Variants in LRMDA observed in about 807,000 individuals in gnomAD.
The protein encoded by LRMDA is leucine-rich melanocyte differentiation-associated protein.
Under a neutral mutation model 29.8 loss-of-function variants are expected in LRMDA, and 18 were observed. The ratio of observed to expected loss-of-function variants is 0.60; its 90% CI spans 0.42 to 0.90. The LOEUF is 0.90. Among genes scored for constraint, LRMDA ranks in the 40% least tolerant of loss-of-function variants. The pLI is 0.00. For synonymous variants in LRMDA, 125 were observed against 109.4 expected (o/e 1.14, Z -0.89); for missense variants, 273 against 273.9 (o/e 1.00, Z 0.02).
chr10:76,480,264 T>A (rs910025411), intron 6 of LRMDA, among the ~76,000 whole-genome samples: 3 of 151,982 alleles, frequency 2.0e-5, no homozygotes, highest in Non-Finnish European at 4.4e-5. Context: ...TCTACTGATA[T>A]ATGTTACTGT....
chr10:75,888,392 T>G (rs1845427300), intron 2 of LRMDA, among the ~76,000 whole-genome samples: 2 of 152,188 alleles, frequency 1.3e-5, no homozygotes, highest in Admixed American at 6.5e-5. Flanking sequence ...TTAATATCTG[T>G]CCTTTCCTCT....
intron 5 of LRMDA, among the ~76,000 whole-genome samples, chr10:76,247,268 G>A (rs1852393187): frequency 6.6e-6 from 1 of 152,194 alleles, no homozygotes; most frequent in African/African-American, 2.4e-5. Context: ...ATGCTGTACT[G>A]AAAGCTGGAT....
At chr10:76,321,203 T>C (rs1840766673) in intron 5 of LRMDA, among the ~76,000 whole-genome samples, 1 of 152,226 alleles carries the variant, frequency 6.6e-6, no homozygotes, top group Non-Finnish European at 1.5e-5. Flanking sequence ...GAGTATATAT[T>C]TTAAGTGAAA....
chr10:75,974,734 A>G (rs1207770048), intron 2 of LRMDA, among the ~76,000 whole-genome samples: 1 of 152,176 alleles, frequency 6.6e-6, no homozygotes, highest in Non-Finnish European at 1.5e-5. Flanking sequence ...ATTCAAAAGG[A>G]AGGATTCTAT....
chr10:76,534,646 C>A (rs1843272171), intron 6 of LRMDA, among the ~76,000 whole-genome samples: 1 of 151,988 alleles, frequency 6.6e-6, no homozygotes, highest in Non-Finnish European at 1.5e-5. Context: ...TATAAGATGG[C>A]TCATTATAAA....
intron 5 of LRMDA, among the ~76,000 whole-genome samples, chr10:76,089,849 A>C (rs1040538758): frequency 2.0e-5 from 3 of 152,244 alleles, no homozygotes; most frequent in Admixed American, 1.3e-4. Flanking sequence ...AACTGTGTAA[A>C]TATGTATTTT....
chr10:75,481,932 A>G (rs1207542226), intron 2 of LRMDA, among the ~76,000 whole-genome samples: 1 of 152,128 alleles, frequency 6.6e-6, no homozygotes, highest in Non-Finnish European at 1.5e-5. Flanking sequence ...TTCAGATTTC[A>G]GTTTCAGCTA....
At chr10:75,871,498 A>C (rs866039141) in intron 2 of LRMDA, among the ~76,000 whole-genome samples, 5 of 152,130 alleles carry the variant, frequency 3.3e-5, no homozygotes, top group Admixed American at 6.5e-5. Context: ...TCTTGGGCCT[A>C]CTGGAGGAGG....
intron 2 of LRMDA, among the ~76,000 whole-genome samples, chr10:75,950,154 C>T (rs1415795363): frequency 6.6e-6 from 1 of 152,190 alleles, no homozygotes. Context: ...GGGTCACCCC[C>T]CTTCCTCATT....
intron 6 of LRMDA, among the ~76,000 whole-genome samples, chr10:76,479,051 A>AAT (rs941170783): frequency 8.6e-5 from 13 of 151,562 alleles, no homozygotes; most frequent in African/African-American, 2.7e-4. Flanking sequence ...GTATAATAAA[A>AAT]ATATATATAT....
intron 2 of LRMDA, among the ~76,000 whole-genome samples, chr10:76,000,263 C>T (rs866224237): frequency 1.5e-4 from 23 of 152,126 alleles, no homozygotes; most frequent in African/African-American, 4.8e-4. Context: ...AAAGGGGGCC[C>T]ATTACCTCCA....
At chr10:76,255,249 C>G (rs995398698) in intron 5 of LRMDA, among the ~76,000 whole-genome samples, 1 of 152,010 alleles carries the variant, frequency 6.6e-6, no homozygotes, top group Non-Finnish European at 1.5e-5. Context: ...TAAGAAAGAA[C>G]ATAAAGTTTG....
intron 5 of LRMDA, among the ~76,000 whole-genome samples, chr10:76,230,664 C>T (rs1457011257): frequency 6.6e-6 from 1 of 151,692 alleles, no homozygotes; most frequent in African/African-American, 2.4e-5. Flanking sequence ...TATTCTTTAT[C>T]TGAGCTGTCT....
intron 2 of LRMDA, among the ~76,000 whole-genome samples, chr10:75,482,573 C>T (rs933764681): frequency 4.6e-5 from 7 of 152,062 alleles, no homozygotes; most frequent in East Asian, 1.9e-4. Flanking sequence ...TGTTACTGTG[C>T]GCGTATTTCC....
chr10:75,927,500 A>G (rs1373229804), intron 2 of LRMDA, among the ~76,000 whole-genome samples: 1 of 152,082 alleles, frequency 6.6e-6, no homozygotes, highest in Non-Finnish European at 1.5e-5. Flanking sequence ...CTTGCTCTGC[A>G]CTTTTTATGG....
At chr10:75,498,408 A>T (rs564724277) in intron 2 of LRMDA, among the ~76,000 whole-genome samples, 5 of 152,332 alleles carry the variant, frequency 3.3e-5, no homozygotes, top group African/African-American at 1.2e-4. Flanking sequence ...GGATAGCTGT[A>T]TTCTGGGAGC....
At chr10:75,578,873 C>T (rs1440938638) in intron 2 of LRMDA, among the ~76,000 whole-genome samples, 1 of 133,442 alleles carries the variant, frequency 7.5e-6, no homozygotes, top group Non-Finnish European at 1.7e-5. Context: ...CCAATGAAAA[C>T]AAAGACACAG....
intron 2 of LRMDA, among the ~76,000 whole-genome samples, chr10:75,453,028 T>C (rs1434477209): frequency 6.6e-6 from 1 of 152,204 alleles, no homozygotes; most frequent in Non-Finnish European, 1.5e-5. Flanking sequence ...GACTTGTATA[T>C]TTGGGGTGGC....
chr10:75,735,725 A>G (rs936746478), intron 2 of LRMDA, among the ~76,000 whole-genome samples: 1 of 152,084 alleles, frequency 6.6e-6, no homozygotes, highest in Non-Finnish European at 1.5e-5. Flanking sequence ...TTTGTGTGAC[A>G]CTGTTAATAG....
Sources: allele counts gnomAD v4.1 joint callset (sites outside exome capture counted in the v4.1 genomes callset), GRCh38; gene constraint gnomAD v4.1.1; transcripts MANE v1.5; gene names NCBI Gene and HGNC (gene_info 2026-07-23, HGNC 2026-07-21).